The following FNDC3A variants were observed in gnomAD, a reference collection of about 807,000 sequenced individuals.
The protein encoded by FNDC3A is fibronectin type III domain containing 3A.
In FNDC3A, 32 loss-of-function variants were observed where a neutral mutation model predicts 148.9. The ratio of observed to expected loss-of-function variants is 0.21; its 90% CI spans 0.16 to 0.29. FNDC3A has a LOEUF of 0.29. Ranked by LOEUF, FNDC3A falls within the 10% of genes least tolerant of loss-of-function variation. FNDC3A has a pLI of 1.00. For synonymous variants in FNDC3A, 472 were observed against 473.6 expected (o/e 1.00, Z 0.04); for missense variants, 1,191 against 1,452.8 (o/e 0.82, Z 2.93).
intron 8 of FNDC3A, among the ~76,000 whole-genome samples, chr13:49,156,599 C>T (rs1883706676): frequency 6.7e-6 from 1 of 149,924 alleles, no homozygotes; most frequent in South Asian, 2.2e-4. Context: ...TTAGTTGATG[C>T]AGTTTCTTCC....
intron 2 of FNDC3A, among the ~76,000 whole-genome samples, chr13:49,062,565 C>A (rs1308552975): frequency 1.3e-5 from 2 of 152,188 alleles, no homozygotes; most frequent in Non-Finnish European, 2.9e-5. Flanking sequence ...TGACTTCGTA[C>A]ACATTATATG....
chr13:49,065,058 G>A (rs73494354), intron 2 of FNDC3A, among the ~76,000 whole-genome samples: 4 of 152,290 alleles, frequency 2.6e-5, no homozygotes, highest in African/African-American at 7.2e-5. Context: ...AACTTAGTGC[G>A]TCAAATCAGC....
At chr13:49,088,683 GT>G (rs528441197) in intron 3 of FNDC3A, among the ~76,000 whole-genome samples, 2 of 151,618 alleles carry the variant, frequency 1.3e-5, no homozygotes, top group Non-Finnish European at 2.9e-5. Context: ...GCATTCTCCT[GT>G]TTTTTTTCCA....
intron 3 of FNDC3A, among the ~76,000 whole-genome samples, chr13:49,092,131 A>G (rs934435220): frequency 2.2e-4 from 33 of 152,228 alleles, no homozygotes; most frequent in East Asian, 1.9e-4. Context: ...TGACACCTCA[A>G]GCACCATTGG....
rs201568850 is a variant in FNDC3A at position 49,175,377 on chromosome 13, G to A, written c.1366G>A (p.Glu456Lys). Residue 456 changes from glutamate (E) to lysine (K), a missense_variant, in exon 13 of 26, where the codon GAA becomes AAA. Physicochemically the swap from Glu to Lys is moderately conservative, Grantham distance 56. Around this residue, in one of 3 missense-constraint regions of FNDC3A, gnomAD observed 751 missense variants for 944.0 expected, o/e 0.80. Coordinates refer to ENST00000492622, the MANE Select transcript of FNDC3A (RefSeq NM_001079673.2). ...CATTTGTTTCAACAGTGGTTTTAGT[G>A]AAGAAGTCTTATATTACACCTCAGG... is the stretch of plus-strand genomic sequence containing the variant. ...RNDYGTSGFS[E>K]EVLYYTSGCA... 6.4e-7 allele frequency: 1 copy of A among 1,564,158 alleles called. No homozygotes were observed. The highest frequency in any genetic ancestry group is 2.3e-5 in the East Asian group (1 of 42,926).
chr13:49,106,773 C>CAAAAAAAAAAAAAAAAAAA (rs543962565), intron 3 of FNDC3A, among the ~76,000 whole-genome samples: 2 of 79,874 alleles, frequency 2.5e-5, no homozygotes, highest in Non-Finnish European at 4.5e-5. Context: ...TGAATGAAAG[C>CAAAAAAAAAAAAAAAAAAA]AAAAAAAAAA....
At chr13:49,175,682 T>C (rs1015669169) in intron 13 of FNDC3A, 141 bp downstream of exon 13, 7 of 573,162 alleles carry the variant, frequency 1.2e-5, no homozygotes, top group South Asian at 9.5e-5. Context: ...CTCTTCCTAT[T>C]TGAATACGCT....
intron 2 of FNDC3A, among the ~76,000 whole-genome samples, chr13:49,026,705 A>G (rs1265300404): frequency 6.6e-6 from 1 of 152,082 alleles, no homozygotes; most frequent in African/African-American, 2.4e-5. Flanking sequence ...GAGTCTCACT[A>G]TGTTGCCCAG....
At chr13:49,002,995 T>C (rs1952153584) in intron 1 of FNDC3A, among the ~76,000 whole-genome samples, 1 of 152,216 alleles carries the variant, frequency 6.6e-6, no homozygotes, top group Non-Finnish European at 1.5e-5. Flanking sequence ...GAATTTTCAT[T>C]TCTGTTCCAT....
chr13:49,040,868 A>AT (rs1159576608), intron 2 of FNDC3A, among the ~76,000 whole-genome samples: 1 of 152,140 alleles, frequency 6.6e-6, no homozygotes, highest in Non-Finnish European at 1.5e-5. Flanking sequence ...TTTTGTAGTC[A>AT]TTTCATTTAT....
At chr13:49,172,811 T>A (rs1011373583) in intron 11 of FNDC3A, among the ~76,000 whole-genome samples, 2 of 152,216 alleles carry the variant, frequency 1.3e-5, no homozygotes, top group Admixed American at 1.3e-4. Context: ...TGGATATTCA[T>A]GGTGGCCATG....
At chr13:48,977,361 C>A (rs1033674033) in intron 1 of FNDC3A, among the ~76,000 whole-genome samples, 4 of 152,204 alleles carry the variant, frequency 2.6e-5, no homozygotes, top group Admixed American at 1.3e-4. Context: ...TATTTTATCA[C>A]CATGCTGTTA....
chr13:49,021,119 A>T (rs1471009758), intron 2 of FNDC3A, among the ~76,000 whole-genome samples: 2 of 152,236 alleles, frequency 1.3e-5, no homozygotes, highest in African/African-American at 4.8e-5. Context: ...GGCCTATGTA[A>T]CTGGTATTAA....
At chr13:49,168,555 T>C (rs1289074038) in intron 9 of FNDC3A, 58 bp from the exon 10 acceptor site, 2 of 1,322,220 alleles carry the variant, frequency 1.5e-6, no homozygotes, top group Non-Finnish European at 1.1e-6. Flanking sequence ...AAGGTGACAC[T>C]ATTGAAAACA....
At chr13:49,059,878 T>A (rs989940754) in intron 2 of FNDC3A, among the ~76,000 whole-genome samples, 1 of 152,150 alleles carries the variant, frequency 6.6e-6, no homozygotes, top group Non-Finnish European at 1.5e-5. Flanking sequence ...AAAACTTTTC[T>A]CCAAAGAAGA....
Position 49,196,920 on chromosome 13 carries a change from G to A in FNDC3A, c.2270G>A (p.Gly757Glu). 1 of 1,610,864 alleles carries A rather than the reference G, an allele frequency of 6.2e-7. No homozygotes were observed. Among genetic ancestry groups the A allele is most frequent in the Non-Finnish European group, 8.5e-7 (1 of 1,178,952 alleles). ...AAATGTGATATTACTACAGCCCCTGGGCCACCAGATCAGTGCAAGCCCCCT... is the reference window on the plus strand; with the variant it reads ...AAATGTGATATTACTACAGCCCCTGAGCCACCAGATCAGTGCAAGCCCCCT... Reference protein sequence around the residue: ...SEKCDITTAPGPPDQCKPPQV... With the variant: ...SEKCDITTAPEPPDQCKPPQV... Residue 757 changes from glycine to glutamate, a missense_variant, in exon 20 of 26, where the codon GGG (glycine) becomes GAG (glutamate). This residue lies in a region of FNDC3A where 751 missense variants were observed against 944.0 expected (regional missense o/e 0.80). Transcript: ENST00000492622.
intron 19 of FNDC3A, among the ~76,000 whole-genome samples, 195 bp from the exon 20 acceptor site, chr13:49,196,682 A>G (rs1441158858): frequency 6.6e-6 from 1 of 152,214 alleles, no homozygotes; most frequent in African/African-American, 2.4e-5. Flanking sequence ...ATGAAACTTT[A>G]AAATTTCTCA....
rs369824837 is a variant in FNDC3A at position 48,996,070 on chromosome 13, C to T, written c.-39-10082C>T. Among the ~76,000 whole-genome samples, 44 of 152,206 alleles carry T rather than the reference C, an allele frequency of 2.9e-4. No individual in the cohort carries two copies. In the East Asian group the frequency reaches 5.2e-3, roughly 18 times the overall value. On this transcript the variant is annotated intron_variant, in intron 1 of 25. Coordinates refer to ENST00000492622, the MANE Select transcript of FNDC3A (RefSeq NM_001079673.2). Reference sequence around the variant, plus strand: ...TTGTGGCAGAACTTATTTAAATTCTCCTGAAAGGGTACTTAGATGGTTGAG... The same window carrying T: ...TTGTGGCAGAACTTATTTAAATTCTTCTGAAAGGGTACTTAGATGGTTGAG...
chr13:49,131,092 T>A (rs1293410885), intron 4 of FNDC3A, 45 bp from the exon 5 acceptor site: 1 of 1,452,828 alleles, frequency 6.9e-7, no homozygotes, highest in East Asian at 2.3e-5. Context: ...AAAAGAATTG[T>A]TTATATTCTA....
Sources: allele counts gnomAD v4.1 joint callset (sites outside exome capture counted in the v4.1 genomes callset), GRCh38; gene constraint gnomAD v4.1.1; regional missense constraint gnomAD v4.1.1; transcripts MANE v1.5; gene names NCBI Gene and HGNC (gene_info 2026-07-23, HGNC 2026-07-21).